The following GRM7 variants were observed in gnomAD, a reference collection of about 807,000 sequenced individuals.
GRM7 encodes metabotropic glutamate receptor 7.
GRM7 carries 35 observed loss-of-function variants against 84.5 expected under a neutral mutation model. That is an observed-to-expected ratio of 0.41 (90% CI 0.32 to 0.55). The LOEUF is 0.55. GRM7 is among the 20% of genes least tolerant of loss of function. The pLI is 0.19. For synonymous variants in GRM7, 487 were observed against 455.1 expected (o/e 1.07, Z -0.89); for missense variants, 1,003 against 1,194.6 (o/e 0.84, Z 2.36).
chr3:7,530,412 A>G (rs1486073490), intron 7 of GRM7, among the ~76,000 whole-genome samples: 1 of 152,168 alleles, frequency 6.6e-6, no homozygotes, highest in Non-Finnish European at 1.5e-5. Context: ...AAATGTGTGC[A>G]TGTGTCTTTA....
At chr3:7,287,758 A>T (rs1699480596) in intron 2 of GRM7, among the ~76,000 whole-genome samples, 1 of 152,168 alleles carries the variant, frequency 6.6e-6, no homozygotes, top group Non-Finnish European at 1.5e-5. Context: ...TTTAAAAAAA[A>T]ATTGCTCTAA....
At chr3:7,463,936 G>T (rs1317766322) in intron 7 of GRM7, among the ~76,000 whole-genome samples, 1 of 152,194 alleles carries the variant, frequency 6.6e-6, no homozygotes, top group Non-Finnish European at 1.5e-5. Flanking sequence ...TGGCTGCTGG[G>T]AAGATAATGG....
At chr3:7,588,570 T>C (rs1200268962) in intron 8 of GRM7, among the ~76,000 whole-genome samples, 2 of 152,164 alleles carry the variant, frequency 1.3e-5, no homozygotes, top group South Asian at 2.1e-4. Context: ...CTAAGTCTCA[T>C]GTACATGATG....
intron 2 of GRM7, among the ~76,000 whole-genome samples, chr3:7,283,671 C>T (rs1302587029): frequency 2.0e-5 from 3 of 152,108 alleles, no homozygotes; most frequent in African/African-American, 7.2e-5. Context: ...CACAAAAATA[C>T]TTTCATCAAG....
intron 7 of GRM7, among the ~76,000 whole-genome samples, chr3:7,473,617 C>A (rs1698803635): frequency 6.6e-6 from 1 of 151,980 alleles, no homozygotes; most frequent in Non-Finnish European, 1.5e-5. Context: ...TAAATTAAGG[C>A]ACTTCTTTCA....
intron 8 of GRM7, among the ~76,000 whole-genome samples, chr3:7,650,922 A>C (rs548372492): frequency 6.6e-6 from 1 of 152,312 alleles, no homozygotes; most frequent in South Asian, 2.1e-4. Flanking sequence ...GGGTTCTTAA[A>C]ACATTATAGT....
intron 4 of GRM7, among the ~76,000 whole-genome samples, chr3:7,355,040 T>A (rs1693332324): frequency 6.6e-6 from 1 of 152,154 alleles, no homozygotes; most frequent in Admixed American, 6.6e-5. Flanking sequence ...GAGTAAGAAG[T>A]AGCAGCCACT....
At chr3:7,700,782 CACTT>C (rs1481116377) in intron 9 of GRM7, among the ~76,000 whole-genome samples, 4 of 152,234 alleles carry the variant, frequency 2.6e-5, no homozygotes, top group African/African-American at 7.2e-5. Flanking sequence ...AAAAAAAGGA[CACTT>C]ACAAGTATCT....
chr3:7,378,563 A>G (rs752288895), intron 4 of GRM7, among the ~76,000 whole-genome samples: 2 of 152,178 alleles, frequency 1.3e-5, no homozygotes, highest in Non-Finnish European at 2.9e-5. Context: ...ACTTCTCTTT[A>G]TACAAAATGC....
intron 1 of GRM7, among the ~76,000 whole-genome samples, chr3:7,046,607 C>T (rs1050024204): frequency 6.6e-6 from 1 of 152,038 alleles, no homozygotes. Context: ...GAGGCATTCC[C>T]CTTCAAGAGG....
At position 6,862,065 on chromosome 3, in the gene GRM7, A is replaced by G. The variant is rs1694773437; in HGVS notation, c.519+158A>G. On this transcript the variant is annotated intron_variant, in intron 1 of 9. Transcript: ENST00000357716. The surrounding 1 kb of genome is among the most constrained non-coding windows in gnomAD (Gnocchi z 5.2). ...TCCCTCCCACCCCGCTCGAGGAGAT[A>G]CCTTCCCTGCTTGGTTTATTTCCCT... Among the ~76,000 whole-genome samples, 1 of 151,584 alleles carries G rather than the reference A, an allele frequency of 6.6e-6. No individual in the cohort carries two copies. The highest frequency in any genetic ancestry group is 1.5e-5 in the Non-Finnish European group (1 of 67,932).
At chr3:7,618,870 A>G (rs953451138) in intron 8 of GRM7, among the ~76,000 whole-genome samples, 4 of 152,200 alleles carry the variant, frequency 2.6e-5, no homozygotes, top group Admixed American at 2.6e-4. Flanking sequence ...ACCTGCATGT[A>G]GAAACTGCCA....
chr3:7,688,037 G>A (rs1700653612), intron 9 of GRM7, among the ~76,000 whole-genome samples: 1 of 152,016 alleles, frequency 6.6e-6, no homozygotes. Flanking sequence ...CAAAACACTG[G>A]AGCTCAACAC....
intron 8 of GRM7, among the ~76,000 whole-genome samples, chr3:7,622,946 G>T (rs74666144): frequency 0.019 from 2,852 of 152,204 alleles, 102 homozygotes; most frequent in African/African-American, 0.066. Context: ...GTGGGGGGTT[G>T]CAGGCCCAGA....
At chr3:6,943,273 G>A (rs942548817) in intron 1 of GRM7, among the ~76,000 whole-genome samples, 2 of 151,532 alleles carry the variant, frequency 1.3e-5, no homozygotes, top group Non-Finnish European at 3.0e-5. Flanking sequence ...ATTTTTGTGT[G>A]TTGTCTAACA....
At chr3:7,718,220 C>T (rs188338065) in intron 9 of GRM7, among the ~76,000 whole-genome samples, 8 of 152,306 alleles carry the variant, frequency 5.3e-5, no homozygotes, top group Non-Finnish European at 7.4e-5. Flanking sequence ...GCATAGGACA[C>T]GCTCTGTAAA....
intron 8 of GRM7, among the ~76,000 whole-genome samples, chr3:7,616,206 C>T (rs1036683616): frequency 3.9e-5 from 6 of 152,136 alleles, no homozygotes; most frequent in African/African-American, 9.6e-5. Context: ...ACTTTACTGC[C>T]GGCATCATTT....
intron 2 of GRM7, among the ~76,000 whole-genome samples, chr3:7,289,062 C>T (rs1017742560): frequency 1.2e-4 from 18 of 152,102 alleles, no homozygotes; most frequent in Non-Finnish European, 1.8e-4. Flanking sequence ...ATGTTTTAAC[C>T]TCATGAATTG....
intron 8 of GRM7, among the ~76,000 whole-genome samples, chr3:7,673,738 T>A (rs1210348812): frequency 6.6e-6 from 1 of 152,176 alleles, no homozygotes; most frequent in Non-Finnish European, 1.5e-5. Flanking sequence ...GCTGGAATCA[T>A]GGGTGTGAGT....
Sources: gnomAD v4.1 joint callset for allele counts (sites outside exome capture counted in the v4.1 genomes callset) on GRCh38, gnomAD v4.1.1 for gene constraint, Gnocchi (gnomAD v3.1) non-coding constraint, MANE v1.5 for transcripts, NCBI Gene and HGNC (gene_info 2026-07-23, HGNC 2026-07-21) for gene names.